The following ZNF385D variants were observed in gnomAD, a reference collection of about 807,000 sequenced individuals.
ZNF385D encodes the protein zinc finger protein 659.
Under a neutral mutation model 35.8 loss-of-function variants are expected in ZNF385D, and 15 were observed. The observed-to-expected ratio is 0.42, with a 90% confidence interval of 0.28 to 0.64. The LOEUF is 0.64. Among genes scored for constraint, ZNF385D ranks in the 30% least tolerant of loss-of-function variants. The pLI is 0.23. For missense variants in ZNF385D, 474 were observed against 494.6 expected (o/e 0.96, Z 0.39); for synonymous variants, 212 against 186.8 (o/e 1.13, Z -1.10).
intron 2 of ZNF385D, among the ~76,000 whole-genome samples, chr3:21,642,830 TA>T (rs1323346014): frequency 6.6e-6 from 1 of 152,044 alleles, no homozygotes; most frequent in Admixed American, 6.6e-5. Flanking sequence ...TTATACTAAG[TA>T]AACCAGACAC....
At chr3:21,994,258 C>T (rs956133362) in intron 3 of ZNF385D, among the ~76,000 whole-genome samples, 6 of 152,170 alleles carry the variant, frequency 3.9e-5, no homozygotes, top group African/African-American at 1.4e-4. Flanking sequence ...CAGCATTCAT[C>T]AGCAAATTGG....
At position 22,260,708 on chromosome 3, in the gene ZNF385D, A is replaced by T. The variant is rs549864741; in HGVS notation, c.107-91673T>A. 7.6e-3 allele frequency among the ~76,000 whole-genome samples: 1,157 copies of T among 152,096 alleles called. 13 individuals carry two copies. Among genetic ancestry groups the T allele is most frequent in the African/African-American group, 0.026 (1,093 of 41,542 alleles). On this transcript the variant is annotated intron_variant, in intron 2 of 5. Coordinates refer to the ZNF385D transcript ENST00000494108. ...GGGATCCTTTTTACCTAACATAAAA[A>T]ATACCTTCTAATTTACCTAATATAA...
intron 2 of ZNF385D, among the ~76,000 whole-genome samples, chr3:21,592,180 T>A (rs2063994701): frequency 6.6e-6 from 1 of 152,168 alleles, no homozygotes; most frequent in Admixed American, 6.6e-5. Flanking sequence ...TGGTTATTAG[T>A]TGTTTTCTTG....
intron 3 of ZNF385D, among the ~76,000 whole-genome samples, chr3:22,064,415 A>C (rs1699831336): frequency 6.6e-6 from 1 of 151,958 alleles, no homozygotes; most frequent in Non-Finnish European, 1.5e-5. Context: ...ATTTCTTTAA[A>C]AAATTTTATC....
At chr3:21,757,065 A>G (rs1054166196) in intron 3 of ZNF385D, among the ~76,000 whole-genome samples, 8 of 151,354 alleles carry the variant, frequency 5.3e-5, no homozygotes, top group Non-Finnish European at 8.8e-5. Context: ...TAAAAATACC[A>G]TAATATTCCA....
intron 4 of ZNF385D, among the ~76,000 whole-genome samples, chr3:21,460,060 G>C (rs541839084): frequency 6.6e-6 from 1 of 152,242 alleles, no homozygotes; most frequent in East Asian, 1.9e-4. Flanking sequence ...AATTTACTCT[G>C]AATGTTAAGC....
intron 3 of ZNF385D, among the ~76,000 whole-genome samples, chr3:21,914,470 T>C (rs1700105231): frequency 6.6e-6 from 1 of 151,882 alleles, no homozygotes; most frequent in Admixed American, 6.6e-5. Flanking sequence ...CATTTGATTG[T>C]GTTCCTACCA....
chr3:22,285,868 T>A (rs1472693963), intron 2 of ZNF385D, among the ~76,000 whole-genome samples: 1 of 152,152 alleles, frequency 6.6e-6, no homozygotes, highest in African/African-American at 2.4e-5. Context: ...TACCATTTAA[T>A]CCTTAAAAAG....
chr3:22,277,787 G>C (rs1465870159), intron 2 of ZNF385D, among the ~76,000 whole-genome samples: 1 of 152,034 alleles, frequency 6.6e-6, no homozygotes, highest in East Asian at 1.9e-4. Flanking sequence ...TGAAGATATG[G>C]CATTTTGGCT....
intron 3 of ZNF385D, among the ~76,000 whole-genome samples, chr3:21,895,702 A>C (rs1699101173): frequency 6.6e-6 from 1 of 152,028 alleles, no homozygotes; most frequent in Non-Finnish European, 1.5e-5. Context: ...TAGTGGCAGT[A>C]TGCAGGACCG....
chr3:22,171,703 C>T lies in ZNF385D; in HGVS notation c.107-2668G>A, dbSNP rs572688358. ...CATCGTGGCTAACACAGTGAAATCC[C>T]GTCTCTACTAAAAAATACAAGAAAT... On this transcript the variant is annotated intron_variant, in intron 2 of 5. Coordinates refer to the ZNF385D transcript ENST00000494108. Among the ~76,000 whole-genome samples, 13 of 151,786 alleles carry T rather than the reference C, an allele frequency of 8.6e-5. No homozygotes were observed. In the East Asian group the frequency reaches 2.5e-3, roughly 29 times the overall value.
At chr3:21,535,226 T>C (rs1475589278) in intron 3 of ZNF385D, among the ~76,000 whole-genome samples, 2 of 152,114 alleles carry the variant, frequency 1.3e-5, no homozygotes, top group Non-Finnish European at 2.9e-5. Flanking sequence ...GTATGAATGA[T>C]CAATTAAAGT....
intron 1 of ZNF385D, among the ~76,000 whole-genome samples, chr3:21,713,919 C>A (rs1280319759): frequency 1.3e-5 from 2 of 152,112 alleles, no homozygotes; most frequent in African/African-American, 2.4e-5. Context: ...CCCTGGGACC[C>A]AAAGTCTATG....
At chr3:21,976,559 A>T (rs182619596) in intron 3 of ZNF385D, among the ~76,000 whole-genome samples, 4 of 152,352 alleles carry the variant, frequency 2.6e-5, no homozygotes, top group African/African-American at 9.6e-5. Flanking sequence ...CAGGAGACAT[A>T]TGTAACAGAT....
chr3:22,280,076 T>C (rs1371134786), intron 2 of ZNF385D, among the ~76,000 whole-genome samples: 2 of 152,144 alleles, frequency 1.3e-5, no homozygotes, highest in African/African-American at 2.4e-5. Context: ...CATTTGTTTA[T>C]CTTCTTTTGT....
intron 3 of ZNF385D, among the ~76,000 whole-genome samples, chr3:22,016,673 G>A (rs950229657): frequency 5.3e-5 from 8 of 151,952 alleles, no homozygotes; most frequent in African/African-American, 1.7e-4. Context: ...GCTCACAGTG[G>A]CCTGAGGAGA....
chr3:22,085,065 C>G (rs1056289411), intron 3 of ZNF385D, among the ~76,000 whole-genome samples: 2 of 152,214 alleles, frequency 1.3e-5, no homozygotes, highest in Non-Finnish European at 2.9e-5. Flanking sequence ...CTCTGCGACA[C>G]ATTTAAAGCA....
chr3:21,817,858 G>T (rs1429302143), intron 3 of ZNF385D, among the ~76,000 whole-genome samples: 2 of 152,098 alleles, frequency 1.3e-5, no homozygotes, highest in East Asian at 3.9e-4. Flanking sequence ...AAATCATGCT[G>T]CTATAAAGAC....
intron 2 of ZNF385D, among the ~76,000 whole-genome samples, chr3:22,265,031 T>C (rs1478487888): frequency 1.3e-5 from 2 of 151,880 alleles, no homozygotes; most frequent in South Asian, 2.1e-4. Context: ...TCATGCAACA[T>C]ATTATTGAAC....
Sources: allele counts gnomAD v4.1 joint callset (sites outside exome capture counted in the v4.1 genomes callset), GRCh38; gene constraint gnomAD v4.1.1; transcripts MANE v1.5; gene names NCBI Gene and HGNC (gene_info 2026-07-23, HGNC 2026-07-21).